Variants in MAPK9 observed in about 807,000 individuals in gnomAD.
The protein encoded by MAPK9 is Jun kinase.
MAPK9 carries 30 observed loss-of-function variants against 57.1 expected under a neutral mutation model. The ratio of observed to expected loss-of-function variants is 0.53; its 90% CI spans 0.39 to 0.71. The LOEUF (loss-of-function observed/expected upper bound fraction) is 0.71, where lower values mean the gene tolerates loss of function less well. Among genes scored for constraint, MAPK9 ranks in the 30% least tolerant of loss-of-function variants. The probability of loss-of-function intolerance (pLI) is 0.00; values close to 1 mark genes in which losing one functional copy is unlikely to be tolerated. For synonymous variants in MAPK9, 155 were observed against 177.0 expected, an observed-to-expected ratio of 0.88 and a Z score of 0.99; for missense variants, 362 against 521.0, an observed-to-expected ratio of 0.69 and a Z score of 2.97.
chr5:180,250,910 C>T (rs373543258), intron 5 of MAPK9, among the ~76,000 whole-genome samples: 8 of 152,242 alleles, frequency 5.3e-5, no homozygotes, highest in Admixed American at 2.6e-4. Flanking sequence ...CAACCAGGGA[C>T]GCTCCGCTGT....
At chr5:180,283,412 A>G (rs1762477150) in intron 1 of MAPK9, among the ~76,000 whole-genome samples, 1 of 152,160 alleles carries the variant, frequency 6.6e-6, no homozygotes, top group African/African-American at 2.4e-5. Flanking sequence ...AAAGCTGCCC[A>G]CCAGCTGGAT....
intron 1 of MAPK9, among the ~76,000 whole-genome samples, chr5:180,288,864 G>A (rs1321500450): frequency 6.6e-6 from 1 of 152,218 alleles, no homozygotes; most frequent in Non-Finnish European, 1.5e-5. Context: ...GATTGGTCAG[G>A]AGTTAATAAC....
chr5:180,277,552 T>C (rs750292609), intron 2 of MAPK9, among the ~76,000 whole-genome samples: 21 of 152,124 alleles, frequency 1.4e-4, no homozygotes, highest in Non-Finnish European at 2.6e-4. Flanking sequence ...TGTAAAGAAA[T>C]ATACAAATTC....
At chr5:180,239,356 C>A (rs1757466215) in intron 10 of MAPK9, among the ~76,000 whole-genome samples, 1 of 152,234 alleles carries the variant, frequency 6.6e-6, no homozygotes. Context: ...CGGGCACACA[C>A]AGGTAACCGG....
At chr5:180,238,540 G>T in intron 10 of MAPK9, 137 bp from the exon 11 acceptor site, 2 of 553,178 alleles carry the variant, frequency 3.6e-6, no homozygotes, top group Non-Finnish European at 6.4e-6. Context: ...AGTCAATTCA[G>T]TAATATAGTC....
chr5:180,257,818 C>A, intron 5 of MAPK9: 1 of 169,588 alleles, frequency 5.9e-6, no homozygotes, highest in Non-Finnish European at 1.3e-5. Context: ...GATTCCAAAT[C>A]TGAACCTGAA....
At chr5:180,244,486 G>C (rs970415689) in intron 7 of MAPK9, among the ~76,000 whole-genome samples, 1 of 152,000 alleles carries the variant, frequency 6.6e-6, no homozygotes, top group Non-Finnish European at 1.5e-5. Flanking sequence ...CTTCCATAAA[G>C]AGCTGTCGGT....
intron 10 of MAPK9, 53 bp from the exon 11 acceptor site, chr5:180,238,456 T>C (rs1757364235): frequency 1.6e-6 from 2 of 1,266,696 alleles, no homozygotes; most frequent in Middle Eastern, 1.9e-4. Flanking sequence ...ACAGTTTCAC[T>C]GTATCTCTAA....
chr5:180,273,586 G>A (rs1488069037), intron 2 of MAPK9, among the ~76,000 whole-genome samples: 1 of 152,160 alleles, frequency 6.6e-6, no homozygotes, highest in African/African-American at 2.4e-5. Flanking sequence ...AGATCATGAA[G>A]ACATTCTCCT....
At chr5:180,264,056 T>C (rs1760281000) in intron 4 of MAPK9, among the ~76,000 whole-genome samples, 1 of 152,198 alleles carries the variant, frequency 6.6e-6, no homozygotes, top group African/African-American at 2.4e-5. Flanking sequence ...CACCAACTCA[T>C]GGAGGTCTTT....
intron 1 of MAPK9, among the ~76,000 whole-genome samples, chr5:180,282,478 G>C (rs1285837874): frequency 2.0e-5 from 3 of 152,168 alleles, no homozygotes; most frequent in Non-Finnish European, 2.9e-5. Flanking sequence ...AAATCAAAAG[G>C]CAAAAGAGAT....
chr5:180,242,564 A>T lies in MAPK9; in HGVS notation c.871+9T>A, dbSNP rs980231700. ...AAAACACAAGTATAAGAAAAAAAGGATATCTTACTTTTTATTTTGTCTCGC... is the reference window on the plus strand; with the variant it reads ...AAAACACAAGTATAAGAAAAAAAGGTTATCTTACTTTTTATTTTGTCTCGC... On this transcript the variant is annotated intron_variant, in intron 8 of 11. Coordinates refer to ENST00000452135, the MANE Select transcript of MAPK9 (RefSeq NM_002752.5). The T allele has an allele frequency of 1.2e-6, 2 of 1,602,724 alleles. No individual in the cohort carries two copies. Among genetic ancestry groups the T allele is most frequent in the Non-Finnish European group, 1.7e-6 (2 of 1,173,108 alleles).
chr5:180,251,181 G>T (rs754195362), intron 5 of MAPK9, among the ~76,000 whole-genome samples: 6 of 152,156 alleles, frequency 3.9e-5, no homozygotes, highest in African/African-American at 1.4e-4. Context: ...GCCACAGAGG[G>T]TGTGCAGTGG....
At chr5:180,266,049 T>A (rs1366081067) in intron 3 of MAPK9, among the ~76,000 whole-genome samples, 2 of 142,968 alleles carry the variant, frequency 1.4e-5, no homozygotes, top group South Asian at 2.2e-4. Context: ...ACAACATAAA[T>A]AATGTCAAAT....
chr5:180,277,318 A>AGGCT (rs1761911305), intron 2 of MAPK9, among the ~76,000 whole-genome samples: 1 of 152,218 alleles, frequency 6.6e-6, no homozygotes, highest in South Asian at 2.1e-4. Context: ...CTCCTTCTGC[A>AGGCT]GGCTCTGGGG....
intron 3 of MAPK9, among the ~76,000 whole-genome samples, chr5:180,268,955 T>C (rs369660962): frequency 1.2e-3 from 176 of 146,278 alleles, no homozygotes; most frequent in Middle Eastern, 4.2e-3. Flanking sequence ...CTGACTAACA[T>C]GGTGAAACCC....
At chr5:180,290,543 T>C (rs1021554641) in intron 1 of MAPK9, among the ~76,000 whole-genome samples, 24 of 152,224 alleles carry the variant, frequency 1.6e-4, no homozygotes, top group African/African-American at 5.5e-4. Context: ...ATGACCTAGA[T>C]AATGCAGAAT....
chr5:180,276,189 T>C (rs1008028041), intron 2 of MAPK9, among the ~76,000 whole-genome samples: 1 of 152,234 alleles, frequency 6.6e-6, no homozygotes, highest in Admixed American at 6.5e-5. Context: ...TGTTTTTATT[T>C]ATTTATATTA....
intron 5 of MAPK9, 32 bp from the exon 6 acceptor site, chr5:180,249,170 G>A: frequency 6.3e-7 from 1 of 1,588,912 alleles, no homozygotes; most frequent in Non-Finnish European, 8.6e-7. Flanking sequence ...TTAGTAAAAT[G>A]AATGAAGCAT....
Sources: gnomAD v4.1 joint callset for allele counts (sites outside exome capture counted in the v4.1 genomes callset) on GRCh38, gnomAD v4.1.1 for gene constraint, MANE v1.5 for transcripts, NCBI Gene and HGNC (gene_info 2026-07-23, HGNC 2026-07-21) for gene names.